The following PIK3R6 variants were observed in gnomAD, a reference collection of about 807,000 sequenced individuals.
The protein encoded by PIK3R6 is phosphoinositide 3-kinase regulatory subunit 6.
Under a neutral mutation model 84.9 loss-of-function variants are expected in PIK3R6, and 91 were observed. That is an observed-to-expected ratio of 1.07 (90% CI 0.90 to 1.28). PIK3R6 has a LOEUF of 1.28. Ranked by LOEUF, PIK3R6 falls within the 50% of genes most tolerant of loss-of-function variation. The probability of loss-of-function intolerance (pLI) is 0.00; values close to 1 mark genes in which losing one functional copy is unlikely to be tolerated. For synonymous variants in PIK3R6, 416 were observed against 411.4 expected (o/e 1.01, Z -0.13); for missense variants, 996 against 985.1 (o/e 1.01, Z -0.15).
intron 11 of PIK3R6, 128 bp from the exon 12 acceptor site, chr17:8,828,318 T>G (rs1451408585): frequency 9.6e-7 from 1 of 1,039,024 alleles, no homozygotes; most frequent in Non-Finnish European, 1.4e-6. Flanking sequence ...TGCTTTCTCA[T>G]CTACAAAATG....
At chr17:8,864,020 G>T (rs1300477585) in intron 1 of PIK3R6, among the ~76,000 whole-genome samples, 1 of 152,192 alleles carries the variant, frequency 6.6e-6, no homozygotes, top group Non-Finnish European at 1.5e-5. Flanking sequence ...TGCAATGAGT[G>T]GGGGACACTA....
chr17:8,851,832 A>G (rs2088978208), intron 1 of PIK3R6, among the ~76,000 whole-genome samples: 1 of 152,256 alleles, frequency 6.6e-6, no homozygotes, highest in South Asian at 2.1e-4. Flanking sequence ...TAGAAGCATT[A>G]TTCAAAACAG....
intron 1 of PIK3R6, among the ~76,000 whole-genome samples, chr17:8,861,147 A>G (rs191082640): frequency 6.7e-6 from 1 of 148,732 alleles, no homozygotes; most frequent in East Asian, 2.0e-4. Flanking sequence ...GCGCCACTGC[A>G]CTCCAGCCTG....
At chr17:8,819,826 G>A (rs1336103548) in intron 17 of PIK3R6, among the ~76,000 whole-genome samples, 3 of 139,658 alleles carry the variant, frequency 2.1e-5, no homozygotes, top group East Asian at 2.1e-4. Flanking sequence ...ACATATATAC[G>A]TATATACACA....
chr17:8,837,376 C>G (rs910716742), intron 5 of PIK3R6, among the ~76,000 whole-genome samples: 3 of 152,082 alleles, frequency 2.0e-5, no homozygotes, highest in African/African-American at 7.2e-5. Context: ...CCGTCTCTGC[C>G]GGAGCTAAGC....
chr17:8,823,795 T>C (rs1226396163), intron 13 of PIK3R6, among the ~76,000 whole-genome samples: 2 of 151,958 alleles, frequency 1.3e-5, no homozygotes, highest in African/African-American at 4.8e-5. Context: ...TGCTGGAGAG[T>C]GAATCTAATG....
chr17:8,833,092 G>A (rs1326709782), intron 8 of PIK3R6, 47 bp from the exon 9 acceptor site: 3 of 1,501,320 alleles, frequency 2.0e-6, no homozygotes, highest in South Asian at 1.3e-5. Flanking sequence ...CAGCGCCCAC[G>A]CACCCCAGCT....
chr17:8,819,310 C>T lies in PIK3R6; in HGVS notation c.1880-112G>A, dbSNP rs919433438. On this transcript the variant is annotated intron_variant, in intron 17 of 19. Coordinates refer to ENST00000619866, the MANE Select transcript of PIK3R6 (RefSeq NM_001010855.4). ...TCTTGACACCCCCAGCCCTGTCACTCCTCCTTGGGCCCCCACTTTCTGAAT... is the reference window on the plus strand; with the variant it reads ...TCTTGACACCCCCAGCCCTGTCACTTCTCCTTGGGCCCCCACTTTCTGAAT... 6.1e-6 allele frequency: 4 copies of T among 660,544 alleles called. No individual in the cohort carries two copies. In the Admixed American group the frequency reaches 9.3e-5, roughly 15 times the overall value. 40.9% of individuals were successfully genotyped at this position (660,544 alleles called of 1,614,324 possible).
intron 16 of PIK3R6, 110 bp from the exon 17 acceptor site, chr17:8,822,046 G>T: frequency 3.5e-5 from 23 of 660,922 alleles, no homozygotes; most frequent in Non-Finnish European, 5.3e-5. Flanking sequence ...CCCCTGCTGT[G>T]AGAGTCTTTT....
intron 17 of PIK3R6, among the ~76,000 whole-genome samples, chr17:8,819,929 ATATATATATTTT>A (rs1223209293): frequency 1.7e-5 from 2 of 120,140 alleles, no homozygotes; most frequent in Non-Finnish European, 3.2e-5. Context: ...TTTTATATAT[ATATATATATTTT>A]TATATATATA....
intron 18 of PIK3R6, among the ~76,000 whole-genome samples, chr17:8,806,569 A>G (rs1052212947): frequency 6.6e-6 from 1 of 152,202 alleles, no homozygotes; most frequent in Non-Finnish European, 1.5e-5. Flanking sequence ...AAATGAAGCC[A>G]TGGGAGCCAG....
chr17:8,837,917 C>CCCA, intron 4 of PIK3R6, 46 bp from the exon 5 acceptor site: 1 of 1,550,048 alleles, frequency 6.5e-7, no homozygotes, highest in Admixed American at 1.7e-5. Flanking sequence ...TGGGGGAATC[C>CCCA]CCACTTCATA....
At chr17:8,849,939 A>C in intron 1 of PIK3R6, 54 bp from the exon 2 acceptor site, 2 of 1,104,104 alleles carry the variant, frequency 1.8e-6, no homozygotes, top group South Asian at 1.8e-5. Flanking sequence ...TGCAGAAAGC[A>C]CCTTGGGAAA....
chr17:8,848,454 A>C (rs1864755367), intron 2 of PIK3R6, among the ~76,000 whole-genome samples: 1 of 152,152 alleles, frequency 6.6e-6, no homozygotes, highest in Non-Finnish European at 1.5e-5. Context: ...GAGTGCACTT[A>C]CACAAACCTA....
intron 17 of PIK3R6, among the ~76,000 whole-genome samples, chr17:8,820,871 C>T (rs2151206150): frequency 6.6e-6 from 1 of 152,274 alleles, no homozygotes; most frequent in East Asian, 1.9e-4. Flanking sequence ...GAGGAGGGAT[C>T]AGAGTTGGCT....
At chr17:8,859,619 C>T (rs529622118) in intron 1 of PIK3R6, among the ~76,000 whole-genome samples, 2 of 152,312 alleles carry the variant, frequency 1.3e-5, no homozygotes, top group South Asian at 2.1e-4. Context: ...ACGTGATCTG[C>T]TGAGGGCCTG....
intron 1 of PIK3R6, among the ~76,000 whole-genome samples, chr17:8,864,224 T>C (rs112590129): frequency 1.6e-4 from 25 of 152,080 alleles, no homozygotes; most frequent in Non-Finnish European, 3.2e-4. Context: ...GTTGGGCAGG[T>C]TTGTTTGCAG....
At chr17:8,822,548 C>T (rs1298404273) in intron 16 of PIK3R6, 39 bp downstream of exon 16, 1 of 1,604,398 alleles carries the variant, frequency 6.2e-7, no homozygotes, top group Non-Finnish European at 8.5e-7. Flanking sequence ...TCCAGCTGTA[C>T]CTCTTGGCTA....
chr17:8,827,739 A>AGG (rs796118626), intron 12 of PIK3R6, among the ~76,000 whole-genome samples: 2 of 58,068 alleles, frequency 3.4e-5, no homozygotes, highest in Admixed American at 5.0e-4. Flanking sequence ...AGGGGAGGGA[A>AGG]GGGGAGAGAG....
Sources: allele counts gnomAD v4.1 joint callset (sites outside exome capture counted in the v4.1 genomes callset), GRCh38; gene constraint gnomAD v4.1.1; transcripts MANE v1.5; gene names NCBI Gene and HGNC (gene_info 2026-07-23, HGNC 2026-07-21).